Variants in NKAIN3 observed in about 807,000 individuals in gnomAD.
NKAIN3 encodes the protein sodium/potassium transporting ATPase interacting 3, also known as sodium/potassium-transporting ATPase subunit beta-1-interacting protein 3.
A neutral mutation model predicts 30.2 loss-of-function variants in NKAIN3; 25 were observed. The observed-to-expected ratio is 0.83, with a 90% CI of 0.60 to 1.16. NKAIN3 has a LOEUF of 1.16. Among genes scored for constraint, NKAIN3 ranks in the 50% most tolerant of loss-of-function variants. The pLI, the probability that NKAIN3 is intolerant of heterozygous loss-of-function variation, is 0.00. For synonymous variants in NKAIN3, 91 were observed against 89.6 expected (o/e 1.02, Z -0.09); for missense variants, 225 against 254.1 (o/e 0.89, Z 0.78).
chr8:62,602,194 G>T (rs866568247), intron 3 of NKAIN3, among the ~76,000 whole-genome samples: 2 of 151,932 alleles, frequency 1.3e-5, no homozygotes, highest in Non-Finnish European at 1.5e-5. Context: ...TTTCCATAAG[G>T]GTTCAAATCG....
intron 1 of NKAIN3, among the ~76,000 whole-genome samples, chr8:62,371,149 T>C (rs1334849619): frequency 6.6e-6 from 1 of 151,952 alleles, no homozygotes; most frequent in Non-Finnish European, 1.5e-5. Flanking sequence ...TTCTGTTTAA[T>C]ACCCCTGCAA....
chr8:62,340,402 G>A (rs1233040612), intron 1 of NKAIN3, among the ~76,000 whole-genome samples: 2 of 151,890 alleles, frequency 1.3e-5, no homozygotes. Flanking sequence ...GGGGAGAGGA[G>A]TTCTAGTTTC....
At chr8:62,593,017 T>C (rs1762418086) in intron 3 of NKAIN3, among the ~76,000 whole-genome samples, 1 of 151,988 alleles carries the variant, frequency 6.6e-6, no homozygotes. Flanking sequence ...TTAATACTCC[T>C]TTCTTGCTTA....
At chr8:62,623,771 C>T (rs180867787) in intron 3 of NKAIN3, among the ~76,000 whole-genome samples, 15 of 151,946 alleles carry the variant, frequency 9.9e-5, no homozygotes, top group East Asian at 5.8e-4. Flanking sequence ...GTCTAGACCC[C>T]GAGAGAGGGA....
rs73255097 is a variant in NKAIN3, at chr8:62,586,411, A to G, written c.193-3303A>G. Among the ~76,000 whole-genome samples, 1,382 of 152,314 alleles carry G rather than the reference A, an allele frequency of 9.1e-3. 33 individuals are homozygous for G. The highest frequency in any genetic ancestry group is 0.031 in the African/African-American group (1,299 of 41,584). Reference sequence around the variant, plus strand: ...CATTTTAAATAATTATATAACGTATATGACTTGCTTACTATAGCCTAACAC... The same window carrying G: ...CATTTTAAATAATTATATAACGTATGTGACTTGCTTACTATAGCCTAACAC... On this transcript the variant is annotated intron_variant, in intron 2 of 6. Transcript: ENST00000623646.
chr8:62,377,956 T>G (rs548919181), intron 1 of NKAIN3, among the ~76,000 whole-genome samples: 19 of 152,172 alleles, frequency 1.2e-4, no homozygotes, highest in Non-Finnish European at 2.1e-4. Context: ...ACTCAAAATG[T>G]GGAAGTGACT....
chr8:62,425,604 G>A (rs1400232194), intron 1 of NKAIN3, among the ~76,000 whole-genome samples: 6 of 151,960 alleles, frequency 3.9e-5, no homozygotes, highest in South Asian at 2.1e-4. Context: ...GTCAGCTAAA[G>A]GAATGTATTC....
Position 62,984,034 on chromosome 8 carries a change from A to G in NKAIN3, c.*18627A>G, listed in dbSNP as rs1485610808. 3 of 152,206 alleles carry G rather than the reference A, an allele frequency of 2.0e-5. No homozygotes were observed. Among genetic ancestry groups the G allele is most frequent in the Non-Finnish European group, 4.4e-5 (3 of 68,032 alleles). 9.4% of individuals were successfully genotyped at this position (152,206 alleles called of 1,614,324 possible). The stretch of plus-strand genomic sequence containing the variant: ...CAAAGGGAGTGCCTGGGTAACCATG[A>G]TGTAATTGCAGATTGACACATCTTT... On this transcript the variant is annotated 3_prime_UTR_variant, in exon 7 of 7. Transcript: ENST00000623646.
chr8:62,877,634 T>C (rs960620377), intron 4 of NKAIN3, among the ~76,000 whole-genome samples: 9 of 152,184 alleles, frequency 5.9e-5, no homozygotes, highest in African/African-American at 2.2e-4. Flanking sequence ...AGTTACGCAG[T>C]CCTACCCAAA....
In NKAIN3 at chr8:62,965,633, A is replaced by G. The variant is rs910949707; in HGVS notation, c.*226A>G. 8.9e-5 allele frequency: 87 copies of G among 977,776 alleles called. No homozygotes were observed. In the African/African-American group the frequency reaches 1.1e-3, roughly 12 times the overall value. 60.6% of individuals were successfully genotyped at this position (977,776 alleles called of 1,614,324 possible). ...ACTTGTAAGTTGTAAAAAAAAAAAAAAAAGAAAAAACAGAATTTGGTTTTA... is the reference window on the plus strand; with the variant it reads ...ACTTGTAAGTTGTAAAAAAAAAAAAGAAAGAAAAAACAGAATTTGGTTTTA... On this transcript the variant is annotated 3_prime_UTR_variant, in exon 7 of 7. Transcript: ENST00000623646.
chr8:62,862,003 A>G (rs1820255960), intron 4 of NKAIN3, among the ~76,000 whole-genome samples: 1 of 152,228 alleles, frequency 6.6e-6, no homozygotes, highest in South Asian at 2.1e-4. Context: ...CACATTGAGT[A>G]CATATTAGAG....
rs1328930315 is a variant in NKAIN3, at chr8:62,965,748, T to C, written c.*341T>C. Reference sequence around the variant, plus strand: ...CAGTCAATTCTAAGAGAAATCTCAGTGTGTGCTGTGGAGATGTTAAGTCAG... The same window carrying C: ...CAGTCAATTCTAAGAGAAATCTCAGCGTGTGCTGTGGAGATGTTAAGTCAG... On this transcript the variant is annotated 3_prime_UTR_variant, in exon 7 of 7. Transcript: ENST00000623646. 4 of 984,886 alleles carry C rather than the reference T, an allele frequency of 4.1e-6. No homozygotes were observed. The highest frequency in any genetic ancestry group is 2.4e-6 in the Non-Finnish European group (2 of 829,526). 61.0% of individuals were successfully genotyped at this position (984,886 alleles called of 1,614,324 possible).
chr8:62,717,818 C>A (rs1029700386), intron 3 of NKAIN3, among the ~76,000 whole-genome samples: 14 of 152,118 alleles, frequency 9.2e-5, no homozygotes, highest in African/African-American at 3.1e-4. Flanking sequence ...AAGTATATGG[C>A]TTTTTGAGAA....
chr8:62,790,549 T>TTTTG lies in NKAIN3; in HGVS notation c.471+43421_471+43422insTTGT, dbSNP rs1458847208. Among the ~76,000 whole-genome samples, 1,468 of 148,810 alleles carry TTTTG rather than the reference T, an allele frequency of 9.9e-3. 22 individuals carry two copies. Among genetic ancestry groups the TTTTG allele is most frequent in the African/African-American group, 0.034 (1,387 of 40,674 alleles). On this transcript the variant is annotated intron_variant, in intron 4 of 6. Coordinates refer to ENST00000623646, the MANE Select transcript of NKAIN3 (RefSeq NM_001304533.3). ...GGCAGTGAGCAAGAGGCTCTTTTCCTTGTGTGTGTGTGTGTGTGTCTGTCT... is the reference window on the plus strand; with the variant it reads ...GGCAGTGAGCAAGAGGCTCTTTTCCTTTTGTGTGTGTGTGTGTGTGTGTCTGTCT...
chr8:62,592,424 A>G (rs1810680274), intron 3 of NKAIN3, among the ~76,000 whole-genome samples: 1 of 152,084 alleles, frequency 6.6e-6, no homozygotes, highest in Admixed American at 6.6e-5. Context: ...CCTCATTAAC[A>G]TTTAAGACTA....
intron 5 of NKAIN3, chr8:62,990,150 CTT>C: frequency 8.8e-7 from 1 of 1,133,338 alleles, no homozygotes; most frequent in Non-Finnish European, 1.3e-6. Context: ...TAAAAATCAA[CTT>C]ATTTTTTATT....
At chr8:62,475,990 A>G (rs1806507336) in intron 1 of NKAIN3, among the ~76,000 whole-genome samples, 1 of 152,312 alleles carries the variant, frequency 6.6e-6, no homozygotes, top group Admixed American at 6.5e-5. Flanking sequence ...GAGATTCATA[A>G]TAAGAATAAA....
chr8:62,801,157 C>A (rs1407607792), intron 4 of NKAIN3, among the ~76,000 whole-genome samples: 3 of 152,218 alleles, frequency 2.0e-5, no homozygotes, highest in African/African-American at 7.2e-5. Context: ...AGGAGGCCTG[C>A]CTGCCTCTGT....
Position 62,395,313 on chromosome 8 carries a change from C to T in NKAIN3, c.54+146186C>T, listed in dbSNP as rs182729522. Among the ~76,000 whole-genome samples, 915 of 147,632 alleles carry T rather than the reference C, an allele frequency of 6.2e-3. 34 individuals carry two copies. Among genetic ancestry groups the T allele is most frequent in the Admixed American group, 0.051 (760 of 14,968 alleles). On this transcript the variant is annotated intron_variant, in intron 1 of 6. Transcript: ENST00000623646. ...GCGGAGGCCCCCCTCACTTCCCAGA[C>T]GGTGGGGCGGCCGGGCAGAGGCGAC...
Sources: gnomAD v4.1 joint callset for allele counts (sites outside exome capture counted in the v4.1 genomes callset) on GRCh38, gnomAD v4.1.1 for gene constraint, MANE v1.5 for transcripts, NCBI Gene and HGNC (gene_info 2026-07-23, HGNC 2026-07-21) for gene names.